TLN2: variants seen among roughly 807,000 people sequenced by gnomAD.
TLN2 encodes talin-2.
A neutral mutation model predicts 294.7 loss-of-function variants in TLN2; 118 were observed. That is an observed-to-expected ratio of 0.40 (90% CI 0.34 to 0.47). The LOEUF (loss-of-function observed/expected upper bound fraction) is 0.47, where lower values mean the gene tolerates loss of function less well. Among genes scored for constraint, TLN2 ranks in the 20% least tolerant of loss-of-function variants. The pLI is 0.84. For missense variants in TLN2, 3,083 were observed against 3,282.2 expected, an observed-to-expected ratio of 0.94 and a Z score of 1.48; for synonymous variants, 1,431 against 1,304.5, an observed-to-expected ratio of 1.10 and a Z score of -2.09.
In TLN2 at chr15:62,836,148, C is replaced by T. The variant is rs762659742; in HGVS notation, c.7374+75C>T. 2.0e-6 allele frequency: 3 copies of T among 1,529,814 alleles called. No individual in the cohort carries two copies. In the South Asian group the frequency reaches 3.6e-5, roughly 18 times the overall value. The allele number at this position is 1,529,814 out of a possible 1,614,324, so 94.8% of individuals were successfully genotyped here. A position where few individuals can be genotyped will look rare whatever the true frequency, so the allele number is the denominator to read the frequency against. ...GTGTCACCAGAGGGGACAAGCCTCA[C>T]TTCCTTGGCATGACCCACCAGGCCT... On this transcript the variant is annotated intron_variant, in intron 57 of 58. Transcript: ENST00000636159.
chr15:62,833,342 GTCA>G, intron 54 of TLN2, 159 bp from the exon 55 acceptor site: 5 of 1,112,312 alleles, frequency 4.5e-6, no homozygotes, highest in Non-Finnish European at 6.4e-6. Context: ...CAGGGGACCT[GTCA>G]TCTGCTTCTT....
intron 2 of TLN2, among the ~76,000 whole-genome samples, chr15:62,602,042 A>G (rs1200840332): frequency 1.3e-5 from 2 of 152,210 alleles, no homozygotes; most frequent in African/African-American, 2.4e-5. Context: ...CAGTTCGTCA[A>G]GGAGCCCTGG....
chr15:62,661,010 A>G (rs1002364410), intron 9 of TLN2, among the ~76,000 whole-genome samples: 19 of 152,324 alleles, frequency 1.2e-4, no homozygotes, highest in Admixed American at 3.3e-4. Context: ...AGTATCATGC[A>G]AGACGCAATG....
intron 1 of TLN2, among the ~76,000 whole-genome samples, chr15:62,510,225 G>C (rs189154698): frequency 4.6e-5 from 7 of 152,134 alleles, no homozygotes; most frequent in Non-Finnish European, 7.3e-5. Context: ...TCAGCACTGG[G>C]CACCCACCAG....
chr15:62,569,192 T>A (rs534579210), intron 1 of TLN2, among the ~76,000 whole-genome samples: 1 of 152,336 alleles, frequency 6.6e-6, no homozygotes, highest in South Asian at 2.1e-4. Context: ...ACCTGTGTAA[T>A]CCAGGATGCT....
chr15:62,475,156 C>T (rs1374378391), intron 1 of TLN2, among the ~76,000 whole-genome samples: 2 of 152,178 alleles, frequency 1.3e-5, no homozygotes, highest in Non-Finnish European at 2.9e-5. Flanking sequence ...AATGCAACCA[C>T]TGTGACACCA....
At chr15:62,589,342 G>A (rs2045909210) in intron 1 of TLN2, among the ~76,000 whole-genome samples, 1 of 152,200 alleles carries the variant, frequency 6.6e-6, no homozygotes, top group Non-Finnish European at 1.5e-5. Flanking sequence ...AAGAAGCAGA[G>A]TGCAATGCCT....
At chr15:62,440,639 A>G (rs2035501106) in intron 1 of TLN2, among the ~76,000 whole-genome samples, 1 of 152,056 alleles carries the variant, frequency 6.6e-6, no homozygotes, top group Non-Finnish European at 1.5e-5. Context: ...TTATACCCCT[A>G]TCCCTGTCTT....
At chr15:62,392,195 G>T (rs751383360) in intron 1 of TLN2, among the ~76,000 whole-genome samples, 5 of 152,232 alleles carry the variant, frequency 3.3e-5, no homozygotes, top group African/African-American at 9.6e-5. Flanking sequence ...TTCAGGTGAC[G>T]CGTGGGGAAA....
At chr15:62,526,585 T>C (rs1361864919) in intron 1 of TLN2, among the ~76,000 whole-genome samples, 4 of 152,080 alleles carry the variant, frequency 2.6e-5, no homozygotes, top group Non-Finnish European at 5.9e-5. Context: ...GGCCCTTCCC[T>C]CAGCAGGTCA....
In TLN2 at chr15:62,762,430, C is replaced by G. The variant is rs779823845; in HGVS notation, c.4938C>G (p.Ile1646Met). 2 of 1,614,114 alleles carry G rather than the reference C, an allele frequency of 1.2e-6. No individual in the cohort carries two copies. Among genetic ancestry groups the G allele is most frequent in the South Asian group, 1.1e-5 (1 of 91,078 alleles). The change falls in exon 39 of 59, where the codon ATC (isoleucine) becomes ATG (methionine). Residue 1646 changes from isoleucine (I) to methionine (M), a missense_variant. Coordinates refer to ENST00000636159, the MANE Select transcript of TLN2 (RefSeq NM_015059.3). ...AGHSHTVSDS[I>M]KSLITSIRDK... ...ATTCCCATACAGTGTCCGACTCCATCAAGAGTCTCATCACTTCTATCAGGT... is the reference window on the plus strand; with the variant it reads ...ATTCCCATACAGTGTCCGACTCCATGAAGAGTCTCATCACTTCTATCAGGT...
intron 3 of TLN2, among the ~76,000 whole-genome samples, chr15:62,631,150 C>T (rs142353308): frequency 1.5e-3 from 233 of 152,156 alleles, no homozygotes; most frequent in Middle Eastern, 0.014. Flanking sequence ...CTATGAGTTC[C>T]GCAGCTTCTC....
intron 45 of TLN2, among the ~76,000 whole-genome samples, chr15:62,790,421 G>A (rs2064998673): frequency 6.6e-6 from 1 of 152,198 alleles, no homozygotes. Context: ...CTGTGCTCAG[G>A]ATTAAAGACC....
At chr15:62,536,729 G>T (rs1026725052) in intron 1 of TLN2, among the ~76,000 whole-genome samples, 7 of 152,154 alleles carry the variant, frequency 4.6e-5, no homozygotes, top group African/African-American at 1.7e-4. Context: ...TTTCCTGACC[G>T]AGCTATTCGC....
chr15:62,670,889 A>G (rs1234040671), intron 9 of TLN2, among the ~76,000 whole-genome samples: 1 of 152,194 alleles, frequency 6.6e-6, no homozygotes, highest in Non-Finnish European at 1.5e-5. Context: ...GTACCATTGT[A>G]CATTCCCGCC....
intron 1 of TLN2, among the ~76,000 whole-genome samples, chr15:62,581,318 T>C (rs1023995439): frequency 6.6e-6 from 1 of 152,238 alleles, no homozygotes; most frequent in African/African-American, 2.4e-5. Context: ...TGTCTTTTCA[T>C]GACTTGATAG....
intron 1 of TLN2, among the ~76,000 whole-genome samples, chr15:62,391,781 G>C (rs367679980): frequency 1.3e-5 from 2 of 152,370 alleles, no homozygotes; most frequent in South Asian, 2.1e-4. Flanking sequence ...AGCGTGCTGG[G>C]CTTGCCGCCT....
intron 32 of TLN2, among the ~76,000 whole-genome samples, chr15:62,744,963 C>T (rs2061538335): frequency 1.3e-5 from 2 of 152,174 alleles, no homozygotes; most frequent in Non-Finnish European, 2.9e-5. Flanking sequence ...GGCAGGCAGA[C>T]AGATGTCTGC....
At chr15:62,485,154 G>A (rs2038321132) in intron 1 of TLN2, among the ~76,000 whole-genome samples, 1 of 152,042 alleles carries the variant, frequency 6.6e-6, no homozygotes, top group African/African-American at 2.4e-5. Flanking sequence ...TGCTTTTCAG[G>A]ACCTTCGTGC....
Sources: gnomAD v4.1 joint callset for allele counts (sites outside exome capture counted in the v4.1 genomes callset) on GRCh38, gnomAD v4.1.1 for gene constraint, MANE v1.5 for transcripts, NCBI Gene and HGNC (gene_info 2026-07-23, HGNC 2026-07-21) for gene names.